PDE8B: variants seen among roughly 807,000 people sequenced by gnomAD.
PDE8B encodes phosphodiesterase 8B.
A neutral mutation model predicts 101.3 loss-of-function variants in PDE8B; 26 were observed. That is an observed-to-expected ratio of 0.26 (90% CI 0.19 to 0.36). The LOEUF is 0.36. Ranked by LOEUF, PDE8B falls within the 10% of genes least tolerant of loss-of-function variation. PDE8B has a pLI of 1.00. For missense variants in PDE8B, 810 were observed against 1,163.1 expected (o/e 0.70, Z 4.42); for synonymous variants, 424 against 429.3 (o/e 0.99, Z 0.15).
intron 10 of PDE8B, among the ~76,000 whole-genome samples, chr5:77,380,094 G>T (rs1032209877): frequency 2.0e-5 from 3 of 152,118 alleles, no homozygotes; most frequent in South Asian, 4.1e-4. Flanking sequence ...TCTTAACCAG[G>T]TTTTTTACCC....
At chr5:77,213,806 A>C (rs1749042938) in intron 1 of PDE8B, 1 of 150,630 alleles carries the variant, frequency 6.6e-6, no homozygotes, top group African/African-American at 2.4e-5. Flanking sequence ...TGTGTGCTTG[A>C]TCTCTCTCTC....
intron 10 of PDE8B, among the ~76,000 whole-genome samples, chr5:77,380,852 G>A (rs954179810): frequency 1.3e-5 from 2 of 152,218 alleles, no homozygotes; most frequent in Admixed American, 6.5e-5. Flanking sequence ...GAGTAGGATG[G>A]GCAGGAAATA....
intron 1 of PDE8B, chr5:77,291,074 T>C: frequency 6.2e-7 from 1 of 1,611,136 alleles, no homozygotes; most frequent in Non-Finnish European, 8.5e-7. Context: ...TGTTGGAACT[T>C]GGAGGAAACA....
rs754217682 is a variant in PDE8B, at chr5:77,329,054, G to C, written c.647G>C (p.Arg216Pro). The change falls in exon 4 of 22, where the codon CGA becomes CCA. Residue 216 changes from arginine (R) to proline (P), a missense_variant. By Grantham distance (103) the Arg-to-Pro change is moderately radical (BLOSUM62 -2). Coordinates refer to ENST00000264917, the MANE Select transcript of PDE8B (RefSeq NM_003719.5). ...ACGGTGATCCTCGCAGTGGTTTCGC[G>C]AGTGTAAGTGCACCTCCCATTCCCA... is the stretch of plus-strand genomic sequence containing the variant. ...EHTVILAVVS[R>P]VSDDHEEASV... 7.4e-6 allele frequency: 12 copies of C among 1,611,910 alleles called. No homozygotes were observed. The highest frequency in any genetic ancestry group is 1.0e-5 in the Non-Finnish European group (12 of 1,178,134).
chr5:77,201,734 A>G, the PDE8B span, among the ~76,000 whole-genome samples: 2 of 152,312 alleles, frequency 1.3e-5, no homozygotes, highest in Admixed American at 6.5e-5. Context: ...AGTAAGGTCC[A>G]TGGAATTCCC....
intron 1 of PDE8B, among the ~76,000 whole-genome samples, chr5:77,256,527 C>G (rs1460206037): frequency 6.6e-6 from 1 of 152,116 alleles, no homozygotes; most frequent in Non-Finnish European, 1.5e-5. Flanking sequence ...TAGGTTGTTT[C>G]CAGTTTTTTA....
chr5:77,362,676 G>A (rs752065020), intron 10 of PDE8B, among the ~76,000 whole-genome samples: 20 of 152,154 alleles, frequency 1.3e-4, no homozygotes, highest in Admixed American at 2.0e-4. Context: ...TGAGGAGCAC[G>A]CTCCTGACTT....
chr5:77,402,591 C>T, intron 11 of PDE8B, among the ~76,000 whole-genome samples: 1 of 152,040 alleles, frequency 6.6e-6, no homozygotes, highest in East Asian at 1.9e-4. Context: ...AACAATGTAA[C>T]ATGATCACAT....
chr5:77,112,324 A>T, the PDE8B span: 1 of 152,350 alleles, frequency 6.6e-6, no homozygotes, highest in East Asian at 1.9e-4. Context: ...AAAATATCGT[A>T]GCATTTGGAC....
intron 3 of PDE8B, among the ~76,000 whole-genome samples, chr5:77,326,619 T>C (rs913469944): frequency 6.6e-6 from 1 of 152,202 alleles, no homozygotes; most frequent in African/African-American, 2.4e-5. Context: ...TTTAATGGCT[T>C]CAAATAATCT....
the PDE8B span, among the ~76,000 whole-genome samples, chr5:77,135,953 A>G: frequency 3.9e-5 from 6 of 152,068 alleles, no homozygotes; most frequent in Admixed American, 6.5e-5. Context: ...TGGAACTCCT[A>G]TTAGTTGGAT....
chr5:77,120,880 C>G, the PDE8B span, among the ~76,000 whole-genome samples: 1 of 152,312 alleles, frequency 6.6e-6, no homozygotes, highest in East Asian at 1.9e-4. Context: ...CTTGCAGGTG[C>G]CCTGCACCTT....
the PDE8B span, among the ~76,000 whole-genome samples, chr5:77,197,625 A>G: frequency 6.7e-6 from 1 of 149,892 alleles, no homozygotes; most frequent in Non-Finnish European, 1.5e-5. Context: ...TATCATTTTT[A>G]TCGTGTCTCT....
At chr5:77,240,008 T>G (rs966555810) in intron 1 of PDE8B, among the ~76,000 whole-genome samples, 2 of 152,148 alleles carry the variant, frequency 1.3e-5, no homozygotes, top group Non-Finnish European at 2.9e-5. Context: ...TTTTGCTTCC[T>G]TCATCAGTAC....
intron 1 of PDE8B, among the ~76,000 whole-genome samples, chr5:77,225,040 C>G (rs1455478073): frequency 6.6e-6 from 1 of 152,072 alleles, no homozygotes; most frequent in African/African-American, 2.4e-5. Context: ...CTGGTTGTGT[C>G]TCTTGGAGAC....
At position 77,421,800 on chromosome 5, in the gene PDE8B, ATC is replaced by A. The variant is rs1260552374; in HGVS notation, c.2251-19_2251-18del. ...TCACCGTCATCTTGAACCAAGCCTGATCTGACCATCTGTTTTCCAGATTGAAG... is the reference window on the plus strand; with the variant it reads ...TCACCGTCATCTTGAACCAAGCCTGATGACCATCTGTTTTCCAGATTGAAG... On this transcript the variant is annotated intron_variant, in intron 19 of 21. Transcript: ENST00000264917. The A allele has an allele frequency of 1.9e-6, 3 of 1,613,080 alleles. No individual in the cohort carries two copies. The highest frequency in any genetic ancestry group is 2.5e-6 in the Non-Finnish European group (3 of 1,179,570).
the PDE8B span, among the ~76,000 whole-genome samples, chr5:77,191,912 T>C: frequency 8.5e-5 from 13 of 152,186 alleles, no homozygotes; most frequent in African/African-American, 3.1e-4. Context: ...CTGGGGGTGA[T>C]GGGAGACAGT....
Position 77,426,852 on chromosome 5 carries a change from G to A in PDE8B, c.*298G>A, listed in dbSNP as rs1377356518. On this transcript the variant is annotated 3_prime_UTR_variant, in exon 22 of 22. Coordinates refer to ENST00000264917, the MANE Select transcript of PDE8B (RefSeq NM_003719.5). Reference sequence around the variant, plus strand: ...CCATGGAGCTGGTTCACTGTAACTAGCAGGCCACAGGAAGCAAAGCCTTGG... The same window carrying A: ...CCATGGAGCTGGTTCACTGTAACTAACAGGCCACAGGAAGCAAAGCCTTGG... 2 of 375,128 alleles carry A rather than the reference G, an allele frequency of 5.3e-6. No homozygotes were observed. Among genetic ancestry groups the A allele is most frequent in the African/African-American group, 2.1e-5 (1 of 47,794 alleles). 23.2% of individuals were successfully genotyped at this position (375,128 alleles called of 1,614,324 possible). A position where few individuals can be genotyped will look rare whatever the true frequency, so the allele number is the denominator to read the frequency against.
chr5:77,234,458 G>A (rs985470737), intron 1 of PDE8B, among the ~76,000 whole-genome samples: 5 of 152,124 alleles, frequency 3.3e-5, no homozygotes, highest in Non-Finnish European at 7.3e-5. Context: ...TCATACACAT[G>A]AGGTTGTATT....
Sources: gnomAD v4.1 joint callset for allele counts (sites outside exome capture counted in the v4.1 genomes callset) on GRCh38, gnomAD v4.1.1 for gene constraint, MANE v1.5 for transcripts, NCBI Gene and HGNC (gene_info 2026-07-23, HGNC 2026-07-21) for gene names.